The following RGS6 variants were observed in gnomAD, a reference collection of about 807,000 sequenced individuals.
The protein encoded by RGS6 is regulator of G protein signaling 6.
Under a neutral mutation model 78.5 loss-of-function variants are expected in RGS6, and 30 were observed. The ratio of observed to expected loss-of-function variants is 0.38; its 90% confidence interval spans 0.29 to 0.52. The LOEUF is 0.52. Ranked by LOEUF, RGS6 falls within the 20% of genes least tolerant of loss-of-function variation. The pLI is 0.85. For missense variants in RGS6, 495 were observed against 609.7 expected, an observed-to-expected ratio of 0.81 and a Z score of 1.98; for synonymous variants, 206 against 206.0, an observed-to-expected ratio of 1.00 and a Z score of 0.00.
At chr14:72,091,299 T>A (rs991521397) in intron 2 of RGS6, among the ~76,000 whole-genome samples, 4 of 152,144 alleles carry the variant, frequency 2.6e-5, no homozygotes, top group African/African-American at 9.7e-5. Context: ...TAGACTTCCC[T>A]AAGAGGAGTC....
chr14:72,065,793 T>C (rs1015326896), intron 2 of RGS6, among the ~76,000 whole-genome samples: 3 of 152,048 alleles, frequency 2.0e-5, no homozygotes, highest in Non-Finnish European at 4.4e-5. Context: ...TTATTATACT[T>C]TAAGTTTTAG....
intron 2 of RGS6, among the ~76,000 whole-genome samples, chr14:72,232,625 G>A (rs1476096490): frequency 6.6e-6 from 1 of 152,162 alleles, no homozygotes; most frequent in Non-Finnish European, 1.5e-5. Context: ...CTTGGAAGTG[G>A]TGTCCTCAAT....
chr14:72,601,867 C>T, the RGS6 span, among the ~76,000 whole-genome samples: 1 of 152,218 alleles, frequency 6.6e-6, no homozygotes, highest in African/African-American at 2.4e-5. Flanking sequence ...AGCTCAAATG[C>T]CACCTCCTCT....
intron 2 of RGS6, among the ~76,000 whole-genome samples, chr14:72,073,873 T>C (rs1265934539): frequency 6.6e-6 from 1 of 152,224 alleles, no homozygotes; most frequent in Non-Finnish European, 1.5e-5. Context: ...GAAAAAATTA[T>C]TACTATTATT....
At chr14:72,412,152 C>T (rs2093466887) in intron 3 of RGS6, among the ~76,000 whole-genome samples, 1 of 152,172 alleles carries the variant, frequency 6.6e-6, no homozygotes, top group Non-Finnish European at 1.5e-5. Flanking sequence ...GTACCAGCTC[C>T]TCCTTGTACC....
intron 2 of RGS6, among the ~76,000 whole-genome samples, chr14:72,226,151 C>A (rs1315119580): frequency 6.6e-6 from 1 of 152,232 alleles, no homozygotes; most frequent in Non-Finnish European, 1.5e-5. Context: ...TGTCCACCCA[C>A]TCCTTTGAAA....
intron 14 of RGS6, among the ~76,000 whole-genome samples, chr14:72,516,255 C>T (rs1356694868): frequency 1.3e-5 from 2 of 152,224 alleles, no homozygotes; most frequent in East Asian, 3.9e-4. Flanking sequence ...ACTTGGCAAG[C>T]CTCCCGGCCA....
intron 17 of RGS6, among the ~76,000 whole-genome samples, chr14:72,548,633 G>C (rs1599011854): frequency 6.6e-6 from 1 of 152,208 alleles, no homozygotes; most frequent in African/African-American, 2.4e-5. Flanking sequence ...AACATCTAGA[G>C]ACAATTGAGA....
chr14:72,184,023 A>T (rs550225707), intron 2 of RGS6, among the ~76,000 whole-genome samples: 1 of 152,070 alleles, frequency 6.6e-6, no homozygotes, highest in Non-Finnish European at 1.5e-5. Context: ...AATGTTCTGT[A>T]GTTTCTGTAA....
At chr14:72,324,898 A>G (rs1210275844) in intron 2 of RGS6, among the ~76,000 whole-genome samples, 1 of 152,212 alleles carries the variant, frequency 6.6e-6, no homozygotes, top group Non-Finnish European at 1.5e-5. Context: ...GTCAAATGGT[A>G]TTTCTAGTTC....
chr14:72,395,272 A>G (rs2090945187), intron 3 of RGS6, among the ~76,000 whole-genome samples: 3 of 152,212 alleles, frequency 2.0e-5, no homozygotes, highest in African/African-American at 7.2e-5. Context: ...GATGTTGAGC[A>G]TTAAGTGGAC....
intron 1 of RGS6, among the ~76,000 whole-genome samples, chr14:71,958,948 A>G (rs948351169): frequency 6.6e-6 from 1 of 152,190 alleles, no homozygotes; most frequent in Non-Finnish European, 1.5e-5. Context: ...GTTTTTGGGA[A>G]CCACTGAATT....
chr14:72,163,709 C>G (rs539868885), intron 2 of RGS6, among the ~76,000 whole-genome samples: 52 of 152,120 alleles, frequency 3.4e-4, no homozygotes, highest in African/African-American at 1.3e-3. Context: ...GTGGTGAAAC[C>G]CCATCTCCAC....
intron 3 of RGS6, among the ~76,000 whole-genome samples, chr14:72,447,615 A>G (rs1228386758): frequency 6.6e-6 from 1 of 152,162 alleles, no homozygotes; most frequent in Non-Finnish European, 1.5e-5. Flanking sequence ...GCCAATGTGT[A>G]TTAATATTAA....
intron 12 of RGS6, among the ~76,000 whole-genome samples, chr14:72,483,969 A>G (rs2096435600): frequency 1.1e-5 from 1 of 92,674 alleles, no homozygotes; most frequent in African/African-American, 2.8e-5. Context: ...TCTCCAAGTG[A>G]AAAAAAAAAA....
chr14:72,019,618 A>G (rs2087908921), intron 2 of RGS6, among the ~76,000 whole-genome samples: 1 of 26,848 alleles, frequency 3.7e-5, no homozygotes, highest in African/African-American at 4.8e-4. Context: ...TGTTTTAAAG[A>G]TAATACTGTC....
At chr14:72,435,555 G>A (rs576199270) in intron 3 of RGS6, among the ~76,000 whole-genome samples, 3 of 152,082 alleles carry the variant, frequency 2.0e-5, no homozygotes, top group Non-Finnish European at 4.4e-5. Flanking sequence ...TAGGTCTGGA[G>A]GCCAGAAATC....
intron 2 of RGS6, among the ~76,000 whole-genome samples, chr14:72,335,511 G>A (rs2075865614): frequency 6.6e-6 from 1 of 152,196 alleles, no homozygotes; most frequent in African/African-American, 2.4e-5. Context: ...CTCAACAGGT[G>A]CTTCTACAGC....
intron 17 of RGS6, chr14:72,541,277 T>A (rs905044750): frequency 9.0e-6 from 13 of 1,441,174 alleles, no homozygotes; most frequent in Non-Finnish European, 1.2e-5. Context: ...AGTCTAAGGC[T>A]CCTGGGTTGA....
Sources: allele counts gnomAD v4.1 joint callset (sites outside exome capture counted in the v4.1 genomes callset), GRCh38; gene constraint gnomAD v4.1.1; transcripts MANE v1.5; gene names NCBI Gene and HGNC (gene_info 2026-07-23, HGNC 2026-07-21).